The following CATSPER3 variants were observed in gnomAD, a reference collection of about 807,000 sequenced individuals.
CATSPER3 encodes cation channel sperm associated 3.
In CATSPER3, 23 loss-of-function variants were observed where a neutral mutation model predicts 36.6. The observed-to-expected ratio is 0.63, with a 90% CI of 0.45 to 0.89. CATSPER3 has a LOEUF of 0.89. Ranked by LOEUF, CATSPER3 falls within the 40% of genes least tolerant of loss-of-function variation. The pLI is 0.00. For missense variants in CATSPER3, 474 were observed against 503.9 expected (o/e 0.94, Z 0.57); for synonymous variants, 172 against 184.1 (o/e 0.93, Z 0.53).
At chr5:134,988,495 G>A (rs943522963) in intron 2 of CATSPER3, among the ~76,000 whole-genome samples, 3 of 152,120 alleles carry the variant, frequency 2.0e-5, no homozygotes, top group South Asian at 2.1e-4. Context: ...CGAAGTTTAC[G>A]GAATATTCTA....
chr5:134,969,572 A>G (rs958086028), intron 1 of CATSPER3: 2 of 297,272 alleles, frequency 6.7e-6, no homozygotes, highest in African/African-American at 2.2e-5. Context: ...GACTGGCAAT[A>G]TTTAGTCTTG....
intron 6 of CATSPER3, 77 bp downstream of exon 6, chr5:135,009,567 C>CTTG: frequency 8.5e-6 from 2 of 236,240 alleles, no homozygotes; most frequent in Non-Finnish European, 1.2e-5. Flanking sequence ...GAGGAGGGGC[C>CTTG]GTGGTGCCTG....
intron 2 of CATSPER3, among the ~76,000 whole-genome samples, chr5:134,988,911 T>A (rs1456420985): frequency 6.6e-6 from 1 of 152,166 alleles, no homozygotes; most frequent in African/African-American, 2.4e-5. Context: ...CTATGTCAGC[T>A]ATAGCCTTAT....
At chr5:134,981,559 A>C (rs777775218) in intron 2 of CATSPER3, among the ~76,000 whole-genome samples, 7 of 152,184 alleles carry the variant, frequency 4.6e-5, no homozygotes, top group Non-Finnish European at 8.8e-5. Context: ...GACTTCAGAG[A>C]TCACACACAA....
At chr5:134,980,024 T>C (rs182281539) in intron 2 of CATSPER3, among the ~76,000 whole-genome samples, 59 of 149,592 alleles carry the variant, frequency 3.9e-4, no homozygotes, top group Non-Finnish European at 6.6e-4. Flanking sequence ...CTCTGTTGTC[T>C]GGGCTAGAGT....
intron 3 of CATSPER3, among the ~76,000 whole-genome samples, chr5:134,999,593 G>A (rs1253352298): frequency 6.6e-6 from 1 of 152,144 alleles, no homozygotes; most frequent in African/African-American, 2.4e-5. Flanking sequence ...ACTGGGCAGT[G>A]GTTTGTAGTT....
At position 134,989,055 on chromosome 5, in the gene CATSPER3, G is replaced by A. The variant is rs114655625; in HGVS notation, c.253-7218G>A. Among the ~76,000 whole-genome samples the A allele has an allele frequency of 8.1e-3, 1,231 of 152,196 alleles. 9 individuals are homozygous for A. Among genetic ancestry groups the A allele is most frequent in the Middle Eastern group, 0.037 (11 of 294 alleles). On this transcript the variant is annotated intron_variant, in intron 2 of 7. Transcript: ENST00000282611. Reference sequence around the variant, plus strand: ...TCCACCAGAACTCTTAGGTGACCAGGTGCATTGTCAATGGGCAGTAACATT... The same window carrying A: ...TCCACCAGAACTCTTAGGTGACCAGATGCATTGTCAATGGGCAGTAACATT...
At chr5:134,979,327 G>T (rs753279250) in intron 2 of CATSPER3, among the ~76,000 whole-genome samples, 1 of 152,078 alleles carries the variant, frequency 6.6e-6, no homozygotes, top group African/African-American at 2.4e-5. Context: ...TGTAGAGATG[G>T]GGTCTCGCTA....
chr5:134,987,218 A>AACC (rs1206785870), intron 2 of CATSPER3, among the ~76,000 whole-genome samples: 30 of 152,352 alleles, frequency 2.0e-4, no homozygotes, highest in African/African-American at 6.5e-4. Context: ...ATAGGAGAAT[A>AACC]CTATAAGCAA....
At chr5:135,010,275 G>T (rs527555185) in intron 6 of CATSPER3, 98 bp from the exon 7 acceptor site, 2 of 1,069,934 alleles carry the variant, frequency 1.9e-6, no homozygotes, top group Non-Finnish European at 2.9e-6. Context: ...CCAGGGTCAG[G>T]CCGCTGCCTG....
chr5:135,010,612 G>C (rs1229017994), intron 7 of CATSPER3, 82 bp downstream of exon 7: 1 of 1,295,622 alleles, frequency 7.7e-7, no homozygotes. Context: ...AGAGTGAAGG[G>C]GGTGATGACT....
chr5:135,006,836 G>GAAAAAAAA (rs35478061), intron 3 of CATSPER3, among the ~76,000 whole-genome samples: 2 of 112,954 alleles, frequency 1.8e-5, no homozygotes, highest in African/African-American at 7.9e-5. Context: ...ACTCCGTCTC[G>GAAAAAAAA]AAAAAAAAAA....
At position 134,968,396 on chromosome 5, in the gene CATSPER3, A is replaced by G. The variant is rs903068322; in HGVS notation, c.98+307A>G. On this transcript the variant is annotated intron_variant, in intron 1 of 7. Coordinates refer to ENST00000282611, the MANE Select transcript of CATSPER3 (RefSeq NM_178019.3). ...AAAATTACATATCTTGATATATTAG[A>G]AAAGTATATACATTCTGGCTGGGCA... The G allele has an allele frequency of 2.4e-5, 9 of 367,392 alleles. No individual in the cohort carries two copies. In the Admixed American group the frequency reaches 3.5e-4, roughly 14 times the overall value. 22.8% of individuals were successfully genotyped at this position (367,392 alleles called of 1,614,324 possible).
At chr5:134,971,916 C>T (rs1001671866) in intron 2 of CATSPER3, among the ~76,000 whole-genome samples, 1 of 152,142 alleles carries the variant, frequency 6.6e-6, no homozygotes, top group African/African-American at 2.4e-5. Context: ...AGAATGAGCT[C>T]AGTGAGGTTA....
At chr5:135,002,207 C>A (rs1288049582) in intron 3 of CATSPER3, among the ~76,000 whole-genome samples, 1 of 152,142 alleles carries the variant, frequency 6.6e-6, no homozygotes, top group African/African-American at 2.4e-5. Flanking sequence ...TATTTTATTT[C>A]TCCTTCACTT....
chr5:134,993,585 A>C (rs1751908374), intron 2 of CATSPER3, among the ~76,000 whole-genome samples: 1 of 152,232 alleles, frequency 6.6e-6, no homozygotes, highest in Non-Finnish European at 1.5e-5. Flanking sequence ...GGAATTAAAA[A>C]GGGAAGTACA....
chr5:135,007,715 T>C (rs1752108179), intron 3 of CATSPER3, among the ~76,000 whole-genome samples: 1 of 152,234 alleles, frequency 6.6e-6, no homozygotes, highest in African/African-American at 2.4e-5. Flanking sequence ...CAGACACTGG[T>C]AAAGCACTGT....
chr5:135,001,766 CA>C, intron 3 of CATSPER3, among the ~76,000 whole-genome samples: 1 of 152,158 alleles, frequency 6.6e-6, no homozygotes, highest in South Asian at 2.1e-4. Context: ...TCTGTTTTAT[CA>C]GAGACTAGGA....
At chr5:135,009,989 A>T (rs1752158838) in intron 6 of CATSPER3, among the ~76,000 whole-genome samples, 1 of 152,296 alleles carries the variant, frequency 6.6e-6, no homozygotes, top group African/African-American at 2.4e-5. Context: ...TTTCCCCCTG[A>T]GCCTGAGTGC....
Sources: allele counts gnomAD v4.1 joint callset (sites outside exome capture counted in the v4.1 genomes callset), GRCh38; gene constraint gnomAD v4.1.1; transcripts MANE v1.5; gene names NCBI Gene and HGNC (gene_info 2026-07-23, HGNC 2026-07-21).